Variants in IL23R observed in about 807,000 individuals in gnomAD.
IL23R encodes interleukin-23 receptor.
Under a neutral mutation model 56.9 loss-of-function variants are expected in IL23R, and 34 were observed. The observed-to-expected ratio is 0.60, with a 90% CI of 0.45 to 0.80. The LOEUF (loss-of-function observed/expected upper bound fraction) is 0.80. Ranked by LOEUF, IL23R falls within the 30% of genes least tolerant of loss-of-function variation. The pLI is 0.00. For synonymous variants in IL23R, 230 were observed against 249.2 expected (o/e 0.92, Z 0.73); for missense variants, 635 against 730.0 (o/e 0.87, Z 1.50).
chr1:67,177,112 T>C (rs1647021329), intron 3 of IL23R, among the ~76,000 whole-genome samples: 1 of 152,228 alleles, frequency 6.6e-6, no homozygotes, highest in Non-Finnish European at 1.5e-5. Flanking sequence ...GCATGATTTA[T>C]AATCCTTTGG....
rs183327279 is a variant in IL23R, at chr1:67,159,611, A to G, written c.-633-8481A>G. On this transcript the variant is annotated intron_variant, in intron 1 of 10. Coordinates refer to the IL23R transcript ENST00000637002. ...GATGGATGGACCAAAATGATAAATA[A>G]TAATTCTCATGCAGTGGTGCATGCT... Among the ~76,000 whole-genome samples the G allele has an allele frequency of 2.0e-5, 3 of 152,338 alleles. No homozygotes were observed. In the East Asian group the frequency reaches 5.8e-4, roughly 29 times the overall value.
At chr1:67,174,472 T>C (rs1212343557) in intron 3 of IL23R, among the ~76,000 whole-genome samples, 1 of 151,940 alleles carries the variant, frequency 6.6e-6, no homozygotes, top group African/African-American at 2.4e-5. Context: ...AAAGCATATA[T>C]GTACTTAAGA....
rs1339086979 is a variant in IL23R at position 67,228,110 on chromosome 1, CTCTT to C, written c.955+8395_955+8398del. Among the ~76,000 whole-genome samples, 33 of 40,928 alleles carry C rather than the reference CTCTT, an allele frequency of 8.1e-4. 4 individuals are homozygous for C. Among genetic ancestry groups the C allele is most frequent in the African/African-American group, 2.2e-3 (21 of 9,688 alleles). The allele number at this position is 40,928 out of a possible 152,430, so 26.9% of individuals were successfully genotyped here. ...TCTTTCTTTCTTTCTTTCTTTCTCT[CTCTT>C]TCTTTCTTTCTTTCCTTCTTTCTTT... On this transcript the variant is annotated intron_variant, in intron 7 of 10. Coordinates refer to ENST00000347310, the MANE Select transcript of IL23R (RefSeq NM_144701.3).
intron 6 of IL23R, among the ~76,000 whole-genome samples, chr1:67,210,064 T>C (rs1483601209): frequency 2.0e-5 from 3 of 152,192 alleles, no homozygotes; most frequent in African/African-American, 7.2e-5. Context: ...GAAAAGTGTA[T>C]AGTTCAGAGT....
Position 67,207,694 on chromosome 1 carries a change from G to A in IL23R, c.798+639G>A. On this transcript the variant is annotated intron_variant, in intron 6 of 10. Transcript: ENST00000347310. The stretch of plus-strand genomic sequence containing the variant: ...ATTCTGAGGCCTTACCAGCCATGTG[G>A]AACTGTAAGTCCAATTAAACCTCTT... The A allele has an allele frequency of 5.9e-6, 2 of 340,244 alleles. 1 individual carries two copies. The highest frequency in any genetic ancestry group is 5.1e-5 in the South Asian group (2 of 39,030). 21.1% of individuals were successfully genotyped at this position (340,244 alleles called of 1,614,324 possible). A position where few individuals can be genotyped will look rare whatever the true frequency, so the allele number is the denominator to read the frequency against.
chr1:67,249,513 C>T (rs1652478063), intron 9 of IL23R, among the ~76,000 whole-genome samples: 1 of 151,980 alleles, frequency 6.6e-6, no homozygotes, highest in East Asian at 1.9e-4. Context: ...GATAAATTAA[C>T]ATAATAACCT....
At chr1:67,149,133 GTTC>G (rs1168314675) in intron 1 of IL23R, among the ~76,000 whole-genome samples, 1 of 152,134 alleles carries the variant, frequency 6.6e-6, no homozygotes, top group African/African-American at 2.4e-5. Flanking sequence ...AATTTACCAG[GTTC>G]TTCTTACACT....
intron 9 of IL23R, among the ~76,000 whole-genome samples, chr1:67,250,268 T>G (rs1652525457): frequency 6.6e-6 from 1 of 152,232 alleles, no homozygotes; most frequent in Non-Finnish European, 1.5e-5. Flanking sequence ...CTTTCATGAC[T>G]TATGCAGACC....
chr1:67,264,475 A>G (rs929291539), downstream of IL23R, among the ~76,000 whole-genome samples: 1 of 152,232 alleles, frequency 6.6e-6, no homozygotes, highest in Non-Finnish European at 1.5e-5. Flanking sequence ...TTTAAAATAA[A>G]AGAAGTGATT....
downstream of IL23R, among the ~76,000 whole-genome samples, chr1:67,262,962 C>T (rs1653237571): frequency 6.6e-6 from 1 of 152,082 alleles, no homozygotes; most frequent in Non-Finnish European, 1.5e-5. Context: ...TTTCCTCCTG[C>T]TCTAGTATCT....
At chr1:67,244,083 T>C (rs1385213259) in intron 9 of IL23R, among the ~76,000 whole-genome samples, 2 of 152,232 alleles carry the variant, frequency 1.3e-5, no homozygotes, top group South Asian at 4.1e-4. Context: ...TTTTTTCATA[T>C]GTTTGTTGGC....
At chr1:67,195,111 C>T (rs1371415384) in intron 4 of IL23R, among the ~76,000 whole-genome samples, 2 of 152,202 alleles carry the variant, frequency 1.3e-5, no homozygotes, top group Non-Finnish European at 2.9e-5. Flanking sequence ...GCAATGTTGG[C>T]TCACTGCAGC....
At chr1:67,174,226 T>C (rs895989787) in intron 3 of IL23R, among the ~76,000 whole-genome samples, 6 of 151,948 alleles carry the variant, frequency 3.9e-5, no homozygotes, top group African/African-American at 1.5e-4. Flanking sequence ...GATTGTGATA[T>C]GTAAAGTGCT....
chr1:67,258,524 A>T lies in IL23R; in HGVS notation c.1286A>T (p.Tyr429Phe). Residue 429 changes from tyrosine (Y) to phenylalanine (F), a missense_variant, in exon 11 of 11, where the codon TAT becomes TTT. Physicochemically the swap from Tyr to Phe is conservative, Grantham distance 22. Coordinates refer to ENST00000347310, the MANE Select transcript of IL23R (RefSeq NM_144701.3). ...MNNNSSEQVL[Y>F]VDPMITEIKE... ...AATAATTCCAGTGAGCAGGTCCTAT[A>T]TGTTGATCCCATGATTACAGAGATA... 1.2e-6 allele frequency: 2 copies of T among 1,607,228 alleles called. No individual in the cohort carries two copies. The highest frequency in any genetic ancestry group is 1.7e-6 in the Non-Finnish European group (2 of 1,176,560).
At chr1:67,179,107 G>A (rs923051674) in intron 3 of IL23R, among the ~76,000 whole-genome samples, 1 of 152,118 alleles carries the variant, frequency 6.6e-6, no homozygotes, top group Admixed American at 6.6e-5. Flanking sequence ...GCCAGGCTTT[G>A]GTATCAGGAA....
At chr1:67,223,656 T>C (rs1051107740) in intron 7 of IL23R, among the ~76,000 whole-genome samples, 1 of 152,196 alleles carries the variant, frequency 6.6e-6, no homozygotes, top group African/African-American at 2.4e-5. Context: ...GTTTTTCCTA[T>C]GCATTTTTTT....
intron 6 of IL23R, among the ~76,000 whole-genome samples, chr1:67,218,925 T>C (rs1389924959): frequency 2.3e-5 from 3 of 132,302 alleles, no homozygotes; most frequent in African/African-American, 8.1e-5. Context: ...TGGGACCCTA[T>C]CTAGAAAAAA....
chr1:67,210,811 A>G (rs908644218), intron 6 of IL23R, among the ~76,000 whole-genome samples: 6 of 152,106 alleles, frequency 3.9e-5, no homozygotes, highest in Middle Eastern at 3.2e-3. Flanking sequence ...CAGCTGTGAA[A>G]TTACCAGTTT....
chr1:67,247,637 CTG>C (rs1416059380), intron 9 of IL23R, among the ~76,000 whole-genome samples: 2 of 152,088 alleles, frequency 1.3e-5, no homozygotes, highest in Non-Finnish European at 2.9e-5. Context: ...ATATTGTTAT[CTG>C]TGAGTTTGAT....
Sources: gnomAD v4.1 joint callset for allele counts (sites outside exome capture counted in the v4.1 genomes callset) on GRCh38, gnomAD v4.1.1 for gene constraint, MANE v1.5 for transcripts, NCBI Gene and HGNC (gene_info 2026-07-23, HGNC 2026-07-21) for gene names.